LRCH2: variants seen among roughly 807,000 people sequenced by gnomAD.
The protein encoded by LRCH2 is leucine-rich repeat and calponin homology domain-containing protein 2.
LRCH2 carries 38 observed loss-of-function variants against 68.9 expected under a neutral mutation model. That is an observed-to-expected ratio of 0.55 (90% CI 0.43 to 0.72). The LOEUF (loss-of-function observed/expected upper bound fraction) is 0.72, where lower values mean the gene tolerates loss of function less well. Among genes scored for constraint, LRCH2 ranks in the 30% least tolerant of loss-of-function variants. The pLI, the probability that LRCH2 is intolerant of heterozygous loss-of-function variation, is 0.00. For synonymous variants in LRCH2, 191 were observed against 208.1 expected, an observed-to-expected ratio of 0.92 and a Z score of 0.71; for missense variants, 528 against 572.9, an observed-to-expected ratio of 0.92 and a Z score of 0.80.
At chrX:115,150,907 A>G (rs1435849299) in intron 12 of LRCH2, among the ~76,000 whole-genome samples, 1 of 110,902 alleles carries the variant, frequency 9.0e-6, no homozygotes, top group East Asian at 2.8e-4. Flanking sequence ...CTATTCATAG[A>G]AGGAAAGAAA....
At chrX:115,180,445 T>G (rs1425820725) in intron 3 of LRCH2, among the ~76,000 whole-genome samples, 2 of 109,636 alleles carry the variant, frequency 1.8e-5, no homozygotes, top group Non-Finnish European at 3.8e-5. Context: ...TTTTATTTAT[T>G]ATCATAATTA....
chrX:115,215,688 G>A (rs782302683), intron 1 of LRCH2, among the ~76,000 whole-genome samples: 1 of 104,116 alleles, frequency 9.6e-6, no homozygotes, highest in South Asian at 4.5e-4. Context: ...TTGAACCCAG[G>A]AGACAGAGGT....
At chrX:115,229,073 T>C (rs1460779096) in intron 1 of LRCH2, among the ~76,000 whole-genome samples, 1 of 111,492 alleles carries the variant, frequency 9.0e-6, no homozygotes, top group Non-Finnish European at 1.9e-5. Flanking sequence ...AATGAATCTA[T>C]TCTAAAACCA....
At position 115,113,208 on chromosome X, in the gene LRCH2, A is replaced by G; in HGVS notation, c.*8T>C. 1 of 1,173,649 alleles carries G rather than the reference A, an allele frequency of 8.5e-7. No individual in the cohort carries two copies. The highest frequency in any genetic ancestry group is 1.1e-6 in the Non-Finnish European group (1 of 875,461). The stretch of plus-strand genomic sequence containing the variant: ...GAAACTATACACTTAGAATTTTAAA[A>G]TGTTATATTAAGCCACAGAAAGCTG... On this transcript the variant is annotated 3_prime_UTR_variant, in exon 21 of 21. Transcript: ENST00000317135.
At position 115,192,632 on chromosome X, in the gene LRCH2, G is replaced by A. The variant is rs1156655129; in HGVS notation, c.350-4262C>T. 29 of 1,168,107 alleles carry A rather than the reference G, an allele frequency of 2.5e-5. No individual in the cohort carries two copies. The highest frequency in any genetic ancestry group is 2.4e-4 in the Middle Eastern group (1 of 4,121). On this transcript the variant is annotated intron_variant, in intron 1 of 20. Transcript: ENST00000317135. Reference sequence around the variant, plus strand: ...GGCCGCTTCGAGAGGGGGGAAGGCCGGAGCAGATACTAAGCAGGAACAGAC... The same window carrying A: ...GGCCGCTTCGAGAGGGGGGAAGGCCAGAGCAGATACTAAGCAGGAACAGAC...
chrX:115,164,280 G>A (rs929688212), intron 10 of LRCH2, among the ~76,000 whole-genome samples: 3 of 111,390 alleles, frequency 2.7e-5, no homozygotes, highest in Middle Eastern at 4.3e-3. Flanking sequence ...GCAAATTTGC[G>A]TGAAAATACT....
At chrX:115,129,173 TGA>T (rs1556529086) in intron 15 of LRCH2, among the ~76,000 whole-genome samples, 1 of 111,477 alleles carries the variant, frequency 9.0e-6, no homozygotes, top group African/African-American at 3.3e-5. Flanking sequence ...CAGACAAATC[TGA>T]GAGGCTTCAG....
intron 1 of LRCH2, chrX:115,192,558 T>G: frequency 8.5e-7 from 1 of 1,169,770 alleles, no homozygotes; most frequent in Non-Finnish European, 1.1e-6. Flanking sequence ...TGCATGATTC[T>G]TACAGCCGGT....
rs1443042503 is a variant in LRCH2, at chrX:115,119,399, T to A, written c.2178+3128A>T. 3.5e-4 allele frequency among the ~76,000 whole-genome samples: 31 copies of A among 88,754 alleles called. No homozygotes were observed. The East Asian group carries it at 9.1e-3, about 26-fold the overall frequency. 77.1% of individuals were successfully genotyped at this position (88,754 alleles called of 115,157 possible). On this transcript the variant is annotated intron_variant, in intron 20 of 20. Transcript: ENST00000317135. Reference sequence around the variant, plus strand: ...AACAGACAAACAGAGAGCCAAATCATGAGTGAACTCCCATTCACAATTGCT... The same window carrying A: ...AACAGACAAACAGAGAGCCAAATCAAGAGTGAACTCCCATTCACAATTGCT...
chrX:115,135,679 C>T (rs782087750), intron 14 of LRCH2, among the ~76,000 whole-genome samples: 28 of 111,317 alleles, frequency 2.5e-4, no homozygotes, highest in African/African-American at 8.8e-4. Context: ...TTCTACCGTA[C>T]GTAAAATGCT....
At position 115,156,615 on chromosome X, in the gene LRCH2, CCA is replaced by C; in HGVS notation, c.1514_1515del (p.Val505GlyfsTer3). 8.8e-7 allele frequency: 1 copy of C among 1,138,544 alleles called. No individual in the cohort carries two copies. Among genetic ancestry groups the C allele is most frequent in the East Asian group, 3.4e-5 (1 of 29,789 alleles). 93.8% of individuals were successfully genotyped at this position (1,138,544 alleles called of 1,213,427 possible). A position where few individuals can be genotyped will look rare whatever the true frequency, so the allele number is the denominator to read the frequency against. ...SVMRNKPKQT[V>X]ECEKSVSADE... ...ATATTTTTATACCTCTTTTCACATT[CCA>C]CAGTTTGTTTTGGCTTGTTTCTCAT... On this transcript the variant is annotated frameshift_variant, in exon 12 of 21. Coordinates refer to ENST00000317135, the MANE Select transcript of LRCH2 (RefSeq NM_020871.4). LOFTEE classifies it high-confidence loss of function.
intron 20 of LRCH2, among the ~76,000 whole-genome samples, chrX:115,118,191 G>T (rs182841674): frequency 8.2e-5 from 9 of 109,239 alleles, no homozygotes; most frequent in African/African-American, 3.0e-4. Context: ...TAAAAAAAGG[G>T]TTTTTTTTAA....
intron 1 of LRCH2, among the ~76,000 whole-genome samples, chrX:115,228,274 C>T (rs1229672225): frequency 1.8e-5 from 2 of 111,481 alleles, no homozygotes; most frequent in Non-Finnish European, 3.8e-5. Flanking sequence ...GCAGACAACC[C>T]TTTCTGAAAC....
chrX:115,137,245 G>A (rs1368244202), intron 14 of LRCH2, among the ~76,000 whole-genome samples: 1 of 110,792 alleles, frequency 9.0e-6, no homozygotes, highest in African/African-American at 3.3e-5. Context: ...AAAGGGCAAG[G>A]GCAATAGAGA....
chrX:115,120,848 A>T (rs1221810784), intron 20 of LRCH2, among the ~76,000 whole-genome samples: 21 of 108,452 alleles, frequency 1.9e-4, no homozygotes, highest in African/African-American at 4.7e-4. Context: ...GCCATAAAAA[A>T]TGATGAGTTC....
chrX:115,171,424 T>C (rs948087640), intron 5 of LRCH2, among the ~76,000 whole-genome samples: 1 of 111,202 alleles, frequency 9.0e-6, no homozygotes, highest in African/African-American at 3.3e-5. Context: ...TTGATTTTTC[T>C]ATTAATTATA....
intron 1 of LRCH2, chrX:115,190,602 C>T (rs1207380777): frequency 5.2e-6 from 1 of 193,465 alleles, no homozygotes; most frequent in Non-Finnish European, 8.5e-6. Context: ...GAGAAGAAGG[C>T]TGCTACGAGG....
In LRCH2 at chrX:115,197,847, T is replaced by TCTCTCTCTCACACACA. The variant is rs782358260; in HGVS notation, c.350-9478_350-9477insTGTGTGTGAGAGAGAG. Among the ~76,000 whole-genome samples the TCTCTCTCTCACACACA allele has an allele frequency of 2.2e-3, 45 of 20,561 alleles. 1 individual carries two copies. The highest frequency in any genetic ancestry group is 3.9e-3 in the African/African-American group (20 of 5,180). 17.9% of individuals were successfully genotyped at this position (20,561 alleles called of 115,157 possible). On this transcript the variant is annotated intron_variant, in intron 1 of 20. Coordinates refer to ENST00000317135, the MANE Select transcript of LRCH2 (RefSeq NM_020871.4). ...CTCTCTCTCTCTCTCTCTCTCTCTC[T>TCTCTCTCTCACACACA]CACACACACACACACACACACACAC...
Position 115,119,307 on chromosome X carries a change from C to T in LRCH2, c.2178+3220G>A, listed in dbSNP as rs782175337. 2.8e-5 allele frequency among the ~76,000 whole-genome samples: 3 copies of T among 107,460 alleles called. No homozygotes were observed. In the South Asian group the frequency reaches 1.3e-3, roughly 45 times the overall value. 93.3% of individuals were successfully genotyped at this position (107,460 alleles called of 115,157 possible). On this transcript the variant is annotated intron_variant, in intron 20 of 20. Transcript: ENST00000317135. ...CCCAAAATCTCCTTAACCTGATAAG[C>T]AACTTCAGCAAAGTCTCAGGATACA... is the stretch of plus-strand genomic sequence containing the variant.
Sources: gnomAD v4.1 joint callset for allele counts (sites outside exome capture counted in the v4.1 genomes callset) on GRCh38, gnomAD v4.1.1 for gene constraint, MANE v1.5 for transcripts, NCBI Gene and HGNC (gene_info 2026-07-23, HGNC 2026-07-21) for gene names.